The following PRKN variants were observed in gnomAD, a reference collection of about 807,000 sequenced individuals.
PRKN encodes parkin RBR E3 ubiquitin protein ligase, also known as E3 ubiquitin-protein ligase parkin.
A neutral mutation model predicts 59.5 loss-of-function variants in PRKN; 56 were observed. That is an observed-to-expected ratio of 0.94 (90% CI 0.76 to 1.18). PRKN has a LOEUF of 1.18. Among genes scored for constraint, PRKN ranks in the 50% most tolerant of loss-of-function variants. PRKN has a pLI of 0.00. For synonymous variants in PRKN, 250 were observed against 222.1 expected (o/e 1.13, Z -1.12); for missense variants, 657 against 596.4 (o/e 1.10, Z -1.06).
intron 7 of PRKN, among the ~76,000 whole-genome samples, chr6:161,656,364 G>A (rs1376985782): frequency 6.6e-6 from 1 of 152,106 alleles, no homozygotes; most frequent in Non-Finnish European, 1.5e-5. Flanking sequence ...TTGGACTGAT[G>A]TCCTGATAGG....
chr6:162,089,251 A>G (rs1283601173), intron 4 of PRKN, among the ~76,000 whole-genome samples: 1 of 152,196 alleles, frequency 6.6e-6, no homozygotes, highest in African/African-American at 2.4e-5. Flanking sequence ...CTGAATAGAC[A>G]TTTTTCCAAG....
chr6:162,021,354 AT>A (rs1783179500), intron 5 of PRKN, among the ~76,000 whole-genome samples: 1 of 147,118 alleles, frequency 6.8e-6, no homozygotes, highest in African/African-American at 2.5e-5. Context: ...GTCAGTACAA[AT>A]TCAAGGTCAT....
chr6:162,430,846 G>T (rs764077221), intron 2 of PRKN, among the ~76,000 whole-genome samples: 1 of 152,064 alleles, frequency 6.6e-6, no homozygotes, highest in Non-Finnish European at 1.5e-5. Flanking sequence ...AATAACTGAA[G>T]GGCATATGGA....
At chr6:162,537,535 G>C (rs1583753796) in intron 1 of PRKN, among the ~76,000 whole-genome samples, 1 of 152,104 alleles carries the variant, frequency 6.6e-6, no homozygotes, top group Admixed American at 6.6e-5. Context: ...CACAGTGCAC[G>C]TGTGATCGCA....
chr6:161,850,863 C>T (rs1003049899), intron 6 of PRKN, among the ~76,000 whole-genome samples: 1 of 152,172 alleles, frequency 6.6e-6, no homozygotes, highest in Non-Finnish European at 1.5e-5. Context: ...ATGAGAAACT[C>T]TCAGTGCTTC....
intron 7 of PRKN, among the ~76,000 whole-genome samples, chr6:161,703,772 T>C (rs1262221750): frequency 6.6e-6 from 1 of 151,780 alleles, no homozygotes; most frequent in Non-Finnish European, 1.5e-5. Flanking sequence ...TTTGTATGTG[T>C]CTAGTCAGTT....
At chr6:161,896,919 G>A (rs1367837358) in intron 6 of PRKN, among the ~76,000 whole-genome samples, 2 of 152,194 alleles carry the variant, frequency 1.3e-5, no homozygotes, top group African/African-American at 2.4e-5. Flanking sequence ...GTAGAAAGGC[G>A]TGTTCAGCAC....
At position 162,556,360 on chromosome 6, in the gene PRKN, T is replaced by TGTGTGTGTGTGTGTGTGC. The variant is rs1562381875; in HGVS notation, c.8-112888_8-112887insGCACACACACACACACAC. Among the ~76,000 whole-genome samples the TGTGTGTGTGTGTGTGTGC allele has an allele frequency of 1.2e-4, 10 of 82,740 alleles. No individual in the cohort carries two copies. In the East Asian group the frequency reaches 2.7e-3, roughly 23 times the overall value. The allele number at this position is 82,740 out of a possible 152,430, so 54.3% of individuals were successfully genotyped here. On this transcript the variant is annotated intron_variant, in intron 1 of 11. Coordinates refer to ENST00000366898, the MANE Select transcript of PRKN (RefSeq NM_004562.3). ...CTCAGCTGGTGTGTGTGTGTGTGTG[T>TGTGTGTGTGTGTGTGTGC]GTGTGTGTGTGTGTGTGTGTGTGTG...
chr6:161,805,166 G>A (rs1791253865), intron 6 of PRKN, among the ~76,000 whole-genome samples: 1 of 152,166 alleles, frequency 6.6e-6, no homozygotes, highest in Admixed American at 6.5e-5. Flanking sequence ...GGCTACTGTA[G>A]AAACAATGTG....
intron 5 of PRKN, among the ~76,000 whole-genome samples, chr6:162,019,748 G>T (rs1783063217): frequency 6.6e-6 from 1 of 152,194 alleles, no homozygotes; most frequent in Admixed American, 6.5e-5. Context: ...GGCTGGGTAT[G>T]GTGGTCACGC....
intron 7 of PRKN, among the ~76,000 whole-genome samples, chr6:161,617,957 C>T (rs758876371): frequency 1.3e-5 from 2 of 152,178 alleles, no homozygotes; most frequent in Non-Finnish European, 2.9e-5. Flanking sequence ...AAGTAAAATC[C>T]TTAAGGCTCA....
intron 1 of PRKN, among the ~76,000 whole-genome samples, chr6:162,709,795 A>G (rs1778461979): frequency 6.6e-6 from 1 of 151,720 alleles, no homozygotes; most frequent in Non-Finnish European, 1.5e-5. Flanking sequence ...GAACATAGCT[A>G]TCTGGAGAAG....
At chr6:162,146,557 T>G (rs971537615) in intron 4 of PRKN, among the ~76,000 whole-genome samples, 14 of 151,954 alleles carry the variant, frequency 9.2e-5, no homozygotes, top group African/African-American at 3.4e-4. Flanking sequence ...CAAGCAGGAA[T>G]GCAGTTGCAC....
chr6:161,803,207 A>C (rs1791163609), intron 6 of PRKN, among the ~76,000 whole-genome samples: 1 of 152,154 alleles, frequency 6.6e-6, no homozygotes, highest in Non-Finnish European at 1.5e-5. Flanking sequence ...ACACAAAAGA[A>C]TGCTGGTTTT....
At chr6:161,387,018 G>A (rs996990326) in intron 9 of PRKN, 141 bp from the exon 10 acceptor site, 5 of 735,900 alleles carry the variant, frequency 6.8e-6, no homozygotes, top group Admixed American at 2.0e-5. Context: ...TTTGCAAAGA[G>A]AAATCAAGTT....
intron 2 of PRKN, among the ~76,000 whole-genome samples, chr6:162,397,841 A>G (rs1787551826): frequency 6.6e-6 from 1 of 152,122 alleles, no homozygotes; most frequent in African/African-American, 2.4e-5. Context: ...GTTCAAGAAC[A>G]GCCTGGCCAA....
chr6:161,949,397 G>C (rs899341398), intron 6 of PRKN, among the ~76,000 whole-genome samples: 96 of 152,280 alleles, frequency 6.3e-4, no homozygotes, highest in Non-Finnish European at 1.2e-3. Context: ...TGTAGTCCCA[G>C]CTACTCGGGA....
At chr6:162,352,792 T>C (rs1053404188) in intron 2 of PRKN, among the ~76,000 whole-genome samples, 1 of 152,168 alleles carries the variant, frequency 6.6e-6, no homozygotes, top group African/African-American at 2.4e-5. Context: ...ATTCTAGCAA[T>C]AGAAAGCTAG....
intron 7 of PRKN, among the ~76,000 whole-genome samples, chr6:161,629,631 C>A (rs999378923): frequency 1.3e-5 from 2 of 152,136 alleles, no homozygotes; most frequent in Non-Finnish European, 2.9e-5. Context: ...TGGCCCTGAA[C>A]CACGGACGCT....
Sources: allele counts gnomAD v4.1 joint callset (sites outside exome capture counted in the v4.1 genomes callset), GRCh38; gene constraint gnomAD v4.1.1; transcripts MANE v1.5; gene names NCBI Gene and HGNC (gene_info 2026-07-23, HGNC 2026-07-21).